Variants in POLR3A observed in about 807,000 individuals in gnomAD.
The protein encoded by POLR3A is RNA polymerase III subunit A.
POLR3A carries 112 observed loss-of-function variants against 152.8 expected under a neutral mutation model. The observed-to-expected ratio is 0.73, with a 90% confidence interval of 0.63 to 0.86. The LOEUF (loss-of-function observed/expected upper bound fraction) is 0.86. Ranked by LOEUF, POLR3A falls within the 40% of genes least tolerant of loss-of-function variation. The pLI, the probability that POLR3A is intolerant of heterozygous loss-of-function variation, is 0.00. For missense variants in POLR3A, 1,385 were observed against 1,743.1 expected (o/e 0.79, Z 3.66); for synonymous variants, 615 against 652.1 (o/e 0.94, Z 0.87).
intron 29 of POLR3A, 121 bp from the exon 30 acceptor site, chr10:77,980,394 A>G (rs537051782): frequency 1.5e-5 from 14 of 918,814 alleles, no homozygotes; most frequent in South Asian, 4.2e-5. Context: ...GTCAGGTGTG[A>G]AAGGCCCTGA....
chr10:78,026,179 G>C lies in POLR3A; in HGVS notation c.95C>G (p.Ala32Gly), dbSNP rs1262335730. The C allele has an allele frequency of 6.2e-7, 1 of 1,614,060 alleles. No homozygotes were observed. The highest frequency in any genetic ancestry group is 1.7e-5 in the Admixed American group (1 of 60,012). ...GTTCTTACTCACAACTTGGATGTGCGCCTGCTGGCGCATCTCCTCAGGTGA... is the reference window on the plus strand; with the variant it reads ...GTTCTTACTCACAACTTGGATGTGCCCCTGCTGGCGCATCTCCTCAGGTGA... ...MKSPEEMRQQ[A>G]HIQVVSKNLY... Residue 32 changes from alanine (A) to glycine (G), a missense_variant, in exon 2 of 31, where the codon GCG becomes GGG. Ala to Gly is a moderately conservative substitution (Grantham distance 60). This residue lies in a region of POLR3A where 493 missense variants were observed against 647.5 expected (regional missense o/e 0.76). Coordinates refer to ENST00000372371, the MANE Select transcript of POLR3A (RefSeq NM_007055.4).
intron 23 of POLR3A, 106 bp downstream of exon 23, chr10:77,985,797 G>A: frequency 1.2e-6 from 1 of 830,654 alleles, no homozygotes; most frequent in Non-Finnish European, 2.1e-6. Context: ...TCAAATACTG[G>A]CAGTTAACAA....
At chr10:78,025,163 C>A in intron 3 of POLR3A, 21 bp from the exon 4 acceptor site, 1 of 1,613,380 alleles carries the variant, frequency 6.2e-7, no homozygotes, top group East Asian at 2.2e-5. Flanking sequence ...TTAAGCAAGA[C>A]AGATAAAAGC....
At chr10:78,022,750 T>C (rs1847592103) in intron 5 of POLR3A, among the ~76,000 whole-genome samples, 1 of 152,206 alleles carries the variant, frequency 6.6e-6, no homozygotes, top group South Asian at 2.1e-4. Flanking sequence ...CCTGACAGTT[T>C]ATTGGCTAAA....
chr10:78,019,226 G>C lies in POLR3A; in HGVS notation c.1225C>G (p.Gln409Glu), dbSNP rs1340331102. The C allele has an allele frequency of 6.2e-7, 1 of 1,614,014 alleles. No individual in the cohort carries two copies. The highest frequency in any genetic ancestry group is 8.5e-7 in the Non-Finnish European group (1 of 1,179,954). Residue 409 changes from glutamine to glutamate, a missense_variant, in exon 9 of 31, where the codon CAA (glutamine) becomes GAA (glutamate). Coordinates refer to ENST00000372371, the MANE Select transcript of POLR3A (RefSeq NM_007055.4). ...ANINFLRKLV[Q>E]NGPEVHPGAN... Reference sequence around the variant, plus strand: ...CCTGGGTGAACCTCAGGGCCGTTTTGAACCAGTTTCCTCAAGAAATTGATG... The same window carrying C: ...CCTGGGTGAACCTCAGGGCCGTTTTCAACCAGTTTCCTCAAGAAATTGATG...
intron 19 of POLR3A, 107 bp downstream of exon 19, chr10:77,999,874 C>T: frequency 8.8e-7 from 1 of 1,142,010 alleles, no homozygotes; most frequent in Non-Finnish European, 1.3e-6. Context: ...AAATTTAACC[C>T]AAGACTAGAT....
chr10:78,025,800 G>A (rs1847628484), intron 2 of POLR3A, 41 bp from the exon 3 acceptor site: 1 of 1,602,790 alleles, frequency 6.2e-7, no homozygotes, highest in Non-Finnish European at 8.5e-7. Flanking sequence ...ACAGACTGCT[G>A]GACGGGAAAG....
At position 77,985,213 on chromosome 10, in the gene POLR3A, C is replaced by T. The variant is rs746308530; in HGVS notation, c.3199G>A (p.Val1067Met). 10 of 1,613,922 alleles carry T rather than the reference C, an allele frequency of 6.2e-6. No homozygotes were observed. The highest frequency in any genetic ancestry group is 3.3e-5 in the Admixed American group (2 of 59,998). The change falls in exon 24 of 31, where the codon GTG (valine) becomes ATG (methionine). Residue 1067 changes from valine (V) to methionine (M), a missense_variant. Physicochemically the swap from Val to Met is conservative, Grantham distance 21. This residue lies in a region of POLR3A where 22 missense variants were observed against 59.7 expected (regional missense o/e 0.37). Transcript: ENST00000372371. ...TTGATGATCTCTTTAATCCGGGGCA[C>T]GCCCAGGGTGATGTTCATGGAGGCC... ...GVASMNITLG[V>M]PRIKEIINAS...
At chr10:77,999,880 T>A in intron 19 of POLR3A, 101 bp downstream of exon 19, 1 of 1,172,456 alleles carries the variant, frequency 8.5e-7, no homozygotes, top group South Asian at 1.3e-5. Context: ...AACCCAAGAC[T>A]AGATAAATTA....
chr10:78,028,828 T>C (rs754549693), intron 1 of POLR3A, among the ~76,000 whole-genome samples: 1 of 151,958 alleles, frequency 6.6e-6, no homozygotes, highest in Non-Finnish European at 1.5e-5. Context: ...CCGAGAACTC[T>C]AAGAAGGAGC....
rs925396584 is a variant in POLR3A at position 78,007,749 on chromosome 10, G to C, written c.2027C>G (p.Ala676Gly). Residue 676 changes from alanine to glycine, a missense_variant, in exon 15 of 31, where the codon GCT becomes GGT. Ala to Gly is a moderately conservative substitution (Grantham distance 60, BLOSUM62 0). Coordinates refer to ENST00000372371, the MANE Select transcript of POLR3A (RefSeq NM_007055.4). ...GGCGAGCCGTGACATGGCATCTGCA[G>C]CTTCATTCTGTCCCCAGTCTCGCAG... ...ILLRDWGQNE[A>G]ADAMSRLARL... 1 of 1,613,950 alleles carries C rather than the reference G, an allele frequency of 6.2e-7. No individual in the cohort carries two copies. The highest frequency in any genetic ancestry group is 1.3e-5 in the African/African-American group (1 of 74,918).
intron 9 of POLR3A, among the ~76,000 whole-genome samples, chr10:78,018,062 T>C (rs1455520674): frequency 2.0e-5 from 3 of 150,694 alleles, no homozygotes; most frequent in East Asian, 1.9e-4. Context: ...TTTAATCCCA[T>C]CTACTTTGGA....
intron 23 of POLR3A, 61 bp from the exon 24 acceptor site, chr10:77,985,401 T>C: frequency 3.0e-6 from 4 of 1,312,396 alleles, no homozygotes; most frequent in Non-Finnish European, 4.4e-6. Flanking sequence ...GCAAAACTGC[T>C]GGGGAGAGGC....
At chr10:77,998,068 A>C (rs990212478) in intron 19 of POLR3A, among the ~76,000 whole-genome samples, 1 of 152,194 alleles carries the variant, frequency 6.6e-6, no homozygotes, top group African/African-American at 2.4e-5. Flanking sequence ...TTCCCTATTT[A>C]ATAAATGGTG....
rs779725946 is a variant in POLR3A at position 78,021,990 on chromosome 10, G to C, written c.918C>G (p.Ile306Met). 2 of 1,614,178 alleles carry C rather than the reference G, an allele frequency of 1.2e-6. No homozygotes were observed. ...GCTGCAGGAAATCCCAGTCCTCCAT[G>C]ATCATCTGGGTCTTGGCTCCTGAGA... ...HRISGAKTQM[I>M]MEDWDFLQLQ... The change falls in exon 7 of 31, where the codon ATC (isoleucine) becomes ATG (methionine). Residue 306 changes from isoleucine (I) to methionine (M), a missense_variant. By Grantham distance (10) the Ile-to-Met change is conservative. Coordinates refer to ENST00000372371, the MANE Select transcript of POLR3A (RefSeq NM_007055.4).
chr10:77,999,393 AGAAGAC>A (rs535562533), intron 19 of POLR3A, among the ~76,000 whole-genome samples: 105 of 152,306 alleles, frequency 6.9e-4, no homozygotes, highest in Non-Finnish European at 1.1e-3. Context: ...GAAGAACACA[AGAAGAC>A]GTATTTTTCA....
Position 78,009,910 on chromosome 10 carries a change from T to C in POLR3A, c.1724A>G (p.Lys575Arg), listed in dbSNP as rs56214655. The C allele has an allele frequency of 6.2e-7, 1 of 1,614,158 alleles. No homozygotes were observed. The change falls in exon 13 of 31, where the codon AAG becomes AGG. Residue 575 changes from lysine (K) to arginine (R), a missense_variant. Lys to Arg is a conservative substitution (Grantham distance 26). Transcript: ENST00000372371. ...GAGGCGAACTTTAATTTTCTCATCC[T>C]TGCCAACCAGTATTGAAGCAATGAT... is the stretch of plus-strand genomic sequence containing the variant. The part of the protein sequence containing the change: ...CQIIASILVG[K>R]DEKIKVRLPP...
In POLR3A at chr10:78,025,658, A is replaced by G. The variant is rs201709900; in HGVS notation, c.282T>C (p.His94=). Residue 94 remains histidine (H), a synonymous_variant, in exon 3 of 31, where the codon CAT becomes CAC. Coordinates refer to ENST00000372371, the MANE Select transcript of POLR3A (RefSeq NM_007055.4). ...CTATGACTGCTCTGAAGTACCCTAC[A>G]TGAAAACACGGCAACTCCAGGTCGA... is the stretch of plus-strand genomic sequence containing the variant. ...GYIDLELPCF[H]VGYFRAVIGI... 36 of 1,614,050 alleles carry G rather than the reference A, an allele frequency of 2.2e-5. No homozygotes were observed. The highest frequency in any genetic ancestry group is 3.3e-4 in the Middle Eastern group (2 of 6,084).
intron 14 of POLR3A, among the ~76,000 whole-genome samples, chr10:78,009,152 CAAAAAAAAAA>C (rs59670962): frequency 6.1e-5 from 2 of 33,000 alleles, no homozygotes; most frequent in African/African-American, 1.3e-4. Flanking sequence ...GACTTAGTCT[CAAAAAAAAAA>C]AAAAAAAAAA....
Sources: allele counts gnomAD v4.1 joint callset (sites outside exome capture counted in the v4.1 genomes callset), GRCh38; gene constraint gnomAD v4.1.1; regional missense constraint gnomAD v4.1.1; transcripts MANE v1.5; gene names NCBI Gene and HGNC (gene_info 2026-07-23, HGNC 2026-07-21).